Variants in ACOXL observed in about 807,000 individuals in gnomAD.
The protein encoded by ACOXL is acyl-CoA oxidase like.
ACOXL carries 70 observed loss-of-function variants against 71.9 expected under a neutral mutation model. The ratio of observed to expected loss-of-function variants is 0.97; its 90% confidence interval spans 0.80 to 1.19. The LOEUF (loss-of-function observed/expected upper bound fraction) is 1.19. ACOXL is among the 50% of genes most tolerant of loss of function. The probability of loss-of-function intolerance (pLI) is 0.00; values close to 1 mark genes in which losing one functional copy is unlikely to be tolerated. For missense variants in ACOXL, 703 were observed against 736.3 expected (o/e 0.95, Z 0.52); for synonymous variants, 253 against 281.6 (o/e 0.90, Z 1.02).
chr2:111,027,333 T>C (rs1029967265), intron 14 of ACOXL, among the ~76,000 whole-genome samples: 3 of 151,972 alleles, frequency 2.0e-5, no homozygotes, highest in Non-Finnish European at 4.4e-5. Context: ...TTCTTTTTTT[T>C]TTTTTTGAGA....
chr2:110,736,289 C>T (rs1376887192), intron 1 of ACOXL, among the ~76,000 whole-genome samples: 1 of 152,102 alleles, frequency 6.6e-6, no homozygotes, highest in South Asian at 2.1e-4. Context: ...GCATTAAGTG[C>T]GTTCACATTG....
intron 13 of ACOXL, among the ~76,000 whole-genome samples, chr2:110,995,277 A>T (rs1030292395): frequency 2.6e-5 from 4 of 151,672 alleles, no homozygotes; most frequent in Non-Finnish European, 5.9e-5. Flanking sequence ...AGGTGGGCAG[A>T]TCACTTGAGG....
chr2:110,850,768 A>G (rs1349626582), intron 10 of ACOXL, among the ~76,000 whole-genome samples: 1 of 152,208 alleles, frequency 6.6e-6, no homozygotes, highest in Non-Finnish European at 1.5e-5. Context: ...GAAGTTTCTT[A>G]TGATGTTAAA....
chr2:110,982,169 T>C (rs1574375889), intron 12 of ACOXL, among the ~76,000 whole-genome samples: 1 of 152,120 alleles, frequency 6.6e-6, no homozygotes, highest in East Asian at 1.9e-4. Flanking sequence ...TGTTTGTTTG[T>C]TTTTTGAGAT....
At chr2:111,036,265 C>T (rs1188030285) in intron 15 of ACOXL, among the ~76,000 whole-genome samples, 1 of 152,296 alleles carries the variant, frequency 6.6e-6, no homozygotes, top group East Asian at 1.9e-4. Flanking sequence ...TCCCCCAGTA[C>T]CCATCTGCTG....
Position 110,963,601 on chromosome 2 carries a change from GTGTT to G in ACOXL, c.1060-23505_1060-23502del, listed in dbSNP as rs754875041. On this transcript the variant is annotated intron_variant, in intron 12 of 17. Coordinates refer to ENST00000439055, the MANE Select transcript of ACOXL (RefSeq NM_001142807.4). ...TGTGTGTGTGTGTGTGTGTGTGTGTGTGTTTTTCTCTTTCTGCAACAGGGTTACA... is the reference window on the plus strand; with the variant it reads ...TGTGTGTGTGTGTGTGTGTGTGTGTGTTTCTCTTTCTGCAACAGGGTTACA... 21 of 1,261,830 alleles carry G rather than the reference GTGTT, an allele frequency of 1.7e-5. No individual in the cohort carries two copies. The East Asian group carries it at 5.3e-4, about 32-fold the overall frequency. The allele number at this position is 1,261,830 out of a possible 1,614,324, so 78.2% of individuals were successfully genotyped here. A position where few individuals can be genotyped will look rare whatever the true frequency, so the allele number is the denominator to read the frequency against.
chr2:110,849,318 C>T (rs886641520), intron 10 of ACOXL, among the ~76,000 whole-genome samples: 3 of 152,198 alleles, frequency 2.0e-5, no homozygotes, highest in African/African-American at 7.2e-5. Flanking sequence ...TGAATGATAT[C>T]CCCCTGGAAA....
At chr2:110,839,484 C>T (rs1690871442) in intron 9 of ACOXL, among the ~76,000 whole-genome samples, 1 of 152,192 alleles carries the variant, frequency 6.6e-6, no homozygotes, top group Non-Finnish European at 1.5e-5. Context: ...AGAAAATTTA[C>T]TCCTAGTTGA....
intron 14 of ACOXL, among the ~76,000 whole-genome samples, chr2:111,019,883 C>T (rs549889460): frequency 3.9e-5 from 6 of 151,940 alleles, no homozygotes; most frequent in Admixed American, 1.3e-4. Context: ...TTTTTTGAAA[C>T]GGAGTCTCCC....
At chr2:110,991,071 C>CTTAA (rs2063152803) in intron 13 of ACOXL, among the ~76,000 whole-genome samples, 1 of 152,088 alleles carries the variant, frequency 6.6e-6, no homozygotes, top group East Asian at 1.9e-4. Flanking sequence ...ATAATCCGGG[C>CTTAA]TTGGCGAGTA....
intron 12 of ACOXL, among the ~76,000 whole-genome samples, chr2:110,971,836 A>T (rs997056251): frequency 8.5e-5 from 13 of 152,194 alleles, no homozygotes; most frequent in African/African-American, 3.1e-4. Flanking sequence ...ATATTCAGTA[A>T]TTCAGACATT....
At chr2:110,737,092 G>T (rs552913329) in intron 1 of ACOXL, among the ~76,000 whole-genome samples, 8 of 152,300 alleles carry the variant, frequency 5.3e-5, no homozygotes, top group African/African-American at 9.6e-5. Context: ...GGATCTCACT[G>T]TGTGTTTTAT....
intron 14 of ACOXL, among the ~76,000 whole-genome samples, chr2:111,030,032 C>A (rs978553268): frequency 6.6e-6 from 1 of 151,762 alleles, no homozygotes; most frequent in Non-Finnish European, 1.5e-5. Context: ...AAAACTTACT[C>A]TACACATTGA....
At chr2:111,045,917 C>T (rs1333412705) in intron 15 of ACOXL, among the ~76,000 whole-genome samples, 2 of 152,114 alleles carry the variant, frequency 1.3e-5, no homozygotes, top group African/African-American at 4.8e-5. Context: ...ACGTGCACTT[C>T]AGTCCAGTTC....
chr2:110,965,373 C>G (rs1268475390), intron 12 of ACOXL, among the ~76,000 whole-genome samples: 1 of 152,012 alleles, frequency 6.6e-6, no homozygotes, highest in Non-Finnish European at 1.5e-5. Flanking sequence ...TAGGGTAGTT[C>G]TATTTTTAGT....
At chr2:110,796,418 A>G (rs533382350) in intron 5 of ACOXL, among the ~76,000 whole-genome samples, 4 of 152,324 alleles carry the variant, frequency 2.6e-5, no homozygotes, top group African/African-American at 9.6e-5. Context: ...AAACTGACAC[A>G]ATGGTGTGTG....
chr2:110,739,737 A>C (rs967292372), intron 1 of ACOXL, among the ~76,000 whole-genome samples: 11 of 152,296 alleles, frequency 7.2e-5, no homozygotes, highest in African/African-American at 2.6e-4. Context: ...TCCACTTCCC[A>C]AGCATTTATA....
chr2:111,093,789 T>C (rs1015394831), intron 17 of ACOXL: 1 of 370,868 alleles, frequency 2.7e-6, no homozygotes, highest in Non-Finnish European at 4.9e-6. Context: ...GCTTGAGCCC[T>C]GGAGTTGGAG....
At chr2:110,972,607 C>T (rs1374783666) in intron 12 of ACOXL, among the ~76,000 whole-genome samples, 4 of 149,828 alleles carry the variant, frequency 2.7e-5, no homozygotes, top group Admixed American at 2.0e-4. Flanking sequence ...CACACACATG[C>T]ATCTCTGTCT....
Sources: gnomAD v4.1 joint callset for allele counts (sites outside exome capture counted in the v4.1 genomes callset) on GRCh38, gnomAD v4.1.1 for gene constraint, MANE v1.5 for transcripts, NCBI Gene and HGNC (gene_info 2026-07-23, HGNC 2026-07-21) for gene names.